Variants in MCM6 observed in about 807,000 individuals in gnomAD.
MCM6 encodes the protein DNA replication licensing factor MCM6.
Under a neutral mutation model 94.3 loss-of-function variants are expected in MCM6, and 46 were observed. That is an observed-to-expected ratio of 0.49 (90% CI 0.39 to 0.62). The LOEUF (loss-of-function observed/expected upper bound fraction) is 0.62, where lower values mean the gene tolerates loss of function less well. Ranked by LOEUF, MCM6 falls within the 20% of genes least tolerant of loss-of-function variation. The pLI is 0.00. For missense variants in MCM6, 865 were observed against 1,017.9 expected (o/e 0.85, Z 2.04); for synonymous variants, 335 against 351.9 (o/e 0.95, Z 0.54).
In MCM6 at chr2:135,876,154, G is replaced by C. The variant is rs4988142; in HGVS notation, c.107+105C>G. 3 of 845,862 alleles carry C rather than the reference G, an allele frequency of 3.5e-6. No individual in the cohort carries two copies. In the Admixed American group the frequency reaches 1.2e-4, roughly 35 times the overall value. The allele number at this position is 845,862 out of a possible 1,614,324, so 52.4% of individuals were successfully genotyped here. On this transcript the variant is annotated intron_variant, in intron 1 of 16. Coordinates refer to ENST00000264156, the MANE Select transcript of MCM6 (RefSeq NM_005915.6). ...GCGGGCGGGGAGGCGCTTCCCGGAC[G>C]CGCGACCCCCAGGTTCCGGAACACC...
intron 1 of MCM6, 55 bp from the exon 2 acceptor site, chr2:135,872,898 G>C (rs1680228728): frequency 1.3e-5 from 21 of 1,588,466 alleles, no homozygotes; most frequent in Non-Finnish European, 1.8e-5. Flanking sequence ...CAAAGAACCT[G>C]AATGATAATT....
intron 15 of MCM6, among the ~76,000 whole-genome samples, chr2:135,845,417 A>G (rs1338548697): frequency 6.6e-6 from 1 of 152,204 alleles, no homozygotes; most frequent in African/African-American, 2.4e-5. Flanking sequence ...TTCCCAAATC[A>G]TTTTGTGTGA....
chr2:135,870,317 T>G lies in MCM6; in HGVS notation c.299A>C (p.Asp100Ala). The G allele has an allele frequency of 6.2e-7, 1 of 1,613,808 alleles. No homozygotes were observed. Among genetic ancestry groups the G allele is most frequent in the Non-Finnish European group, 8.5e-7 (1 of 1,179,836 alleles). The change falls in exon 3 of 17, where the codon GAC (aspartate) becomes GCC (alanine). Residue 100 changes from aspartate to alanine, a missense_variant. Around this residue, in one of 3 missense-constraint regions of MCM6, gnomAD observed 404 missense variants for 451.9 expected, o/e 0.89. Coordinates refer to ENST00000264156, the MANE Select transcript of MCM6 (RefSeq NM_005915.6). Reference sequence around the variant, plus strand: ...CTTGGCAAGAGGGATCTCTTTACGGTCTTTGACGAATGTTTTCAAGGCCCG... The same window carrying G: ...CTTGGCAAGAGGGATCTCTTTACGGGCTTTGACGAATGTTTTCAAGGCCCG... The part of the protein sequence containing the change: ...LCRALKTFVK[D>A]RKEIPLAKDF...
intron 8 of MCM6, 115 bp downstream of exon 8, chr2:135,862,492 C>A: frequency 8.9e-7 from 1 of 1,119,020 alleles, no homozygotes; most frequent in Non-Finnish European, 1.3e-6. Context: ...ATATATTCAA[C>A]ATAGTCATAA....
chr2:135,873,400 T>C (rs1680239326), intron 1 of MCM6, among the ~76,000 whole-genome samples: 1 of 152,182 alleles, frequency 6.6e-6, no homozygotes, highest in Non-Finnish European at 1.5e-5. Context: ...TAGTCAGGGA[T>C]TTAAGAAGCA....
chr2:135,875,092 C>T (rs926579639), intron 1 of MCM6, among the ~76,000 whole-genome samples: 3 of 152,100 alleles, frequency 2.0e-5, no homozygotes, highest in Admixed American at 6.5e-5. Context: ...AGTTTGGAGC[C>T]GGACACGGTG....
At chr2:135,867,326 A>G (rs931060688) in intron 4 of MCM6, among the ~76,000 whole-genome samples, 4 of 152,124 alleles carry the variant, frequency 2.6e-5, no homozygotes, top group Admixed American at 6.5e-5. Flanking sequence ...TATCTAGTCC[A>G]TCTTCAAATG....
chr2:135,847,530 TCAC>T (rs1376553434), intron 14 of MCM6, among the ~76,000 whole-genome samples: 1 of 152,244 alleles, frequency 6.6e-6, no homozygotes, highest in East Asian at 1.9e-4. Flanking sequence ...ATGTCTATTA[TCAC>T]CATTTTGCTG....
At chr2:135,845,606 T>C (rs1043743412) in intron 15 of MCM6, among the ~76,000 whole-genome samples, 1 of 152,214 alleles carries the variant, frequency 6.6e-6, no homozygotes, top group Non-Finnish European at 1.5e-5. Flanking sequence ...AAGCCATCCT[T>C]GGGGCTTTTA....
chr2:135,874,747 C>A (rs1174875711), intron 1 of MCM6, among the ~76,000 whole-genome samples: 1 of 151,682 alleles, frequency 6.6e-6, no homozygotes, highest in East Asian at 1.9e-4. Flanking sequence ...TGTAAACATT[C>A]CAAATCTGAA....
In MCM6 at chr2:135,870,272, T is replaced by C. The variant is rs1680175930; in HGVS notation, c.344A>G (p.Gln115Arg). Residue 115 changes from glutamine (Q) to arginine (R), a missense_variant, in exon 3 of 17, where the codon CAA becomes CGA. By Grantham distance (43) the Gln-to-Arg change is conservative. Around this residue, in one of 3 missense-constraint regions of MCM6, gnomAD observed 404 missense variants for 451.9 expected, o/e 0.89. Transcript: ENST00000264156. Reference sequence around the variant, plus strand: ...TTACTTGTGTCTGGTAGGCAGGTCTTGGAATGCAACATAAAAATCCTTGGC... The same window carrying C: ...TTACTTGTGTCTGGTAGGCAGGTCTCGGAATGCAACATAAAAATCCTTGGC... ...PLAKDFYVAF[Q>R]DLPTRHKIRE... 6.2e-7 allele frequency: 1 copy of C among 1,613,498 alleles called. No homozygotes were observed. Among genetic ancestry groups the C allele is most frequent in the African/African-American group, 1.3e-5 (1 of 74,904 alleles).
intron 2 of MCM6, among the ~76,000 whole-genome samples, chr2:135,871,271 C>T (rs1324420007): frequency 6.6e-6 from 1 of 152,220 alleles, no homozygotes; most frequent in Non-Finnish European, 1.5e-5. Context: ...CTGGCTTGTG[C>T]ATGAGGCATG....
At chr2:135,851,056 G>A (rs867888999) in intron 13 of MCM6, among the ~76,000 whole-genome samples, 1 of 152,228 alleles carries the variant, frequency 6.6e-6, no homozygotes, top group African/African-American at 2.4e-5. Context: ...CTAAGGAGGA[G>A]AGTTCCTTTG....
In MCM6 at chr2:135,868,642, G is replaced by C. The variant is rs763035598; in HGVS notation, c.584C>G (p.Thr195Arg). 8 of 1,614,004 alleles carry C rather than the reference G, an allele frequency of 5.0e-6. No homozygotes were observed. The highest frequency in any genetic ancestry group is 6.8e-6 in the Non-Finnish European group (8 of 1,179,892). Residue 195 changes from threonine (T) to arginine (R), a missense_variant, in exon 4 of 17, where the codon ACA (threonine) becomes AGA (arginine). Coordinates refer to ENST00000264156, the MANE Select transcript of MCM6 (RefSeq NM_005915.6). The stretch of plus-strand genomic sequence containing the variant: ...AAAATCAACAAATCTTGATTTATTT[G>C]TATCCAGTAAGAATCTCCTCCTGTT... ...CANRRRFLLD[T>R]NKSRFVDFQK...
chr2:135,845,870 G>A (rs915829202), intron 15 of MCM6, among the ~76,000 whole-genome samples: 8 of 152,160 alleles, frequency 5.3e-5, no homozygotes, highest in Non-Finnish European at 1.0e-4. Flanking sequence ...ATTAATTACT[G>A]TTAAAATATA....
At chr2:135,875,141 G>C (rs1469659607) in intron 1 of MCM6, among the ~76,000 whole-genome samples, 2 of 152,176 alleles carry the variant, frequency 1.3e-5, no homozygotes, top group African/African-American at 4.8e-5. Context: ...CCAGGCGGGG[G>C]GATCACCTGA....
chr2:135,862,764 G>A lies in MCM6; in HGVS notation c.1079-16C>T. On this transcript the variant is annotated splice_polypyrimidine_tract_variant and intron_variant, in intron 7 of 16. Coordinates refer to ENST00000264156, the MANE Select transcript of MCM6 (RefSeq NM_005915.6). ...TCATCATTGCCTGAAATGAAAAGAA[G>A]CTACAGATGAAAAACTAATTTTTCA... 2 of 1,610,914 alleles carry A rather than the reference G, an allele frequency of 1.2e-6. No individual in the cohort carries two copies. The highest frequency in any genetic ancestry group is 8.5e-7 in the Non-Finnish European group (1 of 1,178,662).
chr2:135,846,419 C>T (rs374849241), intron 14 of MCM6, 27 bp from the exon 15 acceptor site: 23 of 1,610,098 alleles, frequency 1.4e-5, no homozygotes, highest in African/African-American at 4.0e-5. Flanking sequence ...CCACCTGAAT[C>T]TTATTTTTGT....
At chr2:135,875,942 T>A (rs765689315) in intron 1 of MCM6, among the ~76,000 whole-genome samples, 1 of 152,162 alleles carries the variant, frequency 6.6e-6, no homozygotes, top group Non-Finnish European at 1.5e-5. Flanking sequence ...CGAGCCCAGG[T>A]TTCCGCGCCG....
Sources: gnomAD v4.1 joint callset for allele counts (sites outside exome capture counted in the v4.1 genomes callset) on GRCh38, gnomAD v4.1.1 for gene constraint, gnomAD v4.1.1 regional missense constraint, MANE v1.5 for transcripts, NCBI Gene and HGNC (gene_info 2026-07-23, HGNC 2026-07-21) for gene names.